Variants in TRAFD1 observed in about 807,000 individuals in gnomAD.
TRAFD1 encodes the protein TRAF-type zinc finger domain-containing protein 1.
Under a neutral mutation model 65.3 loss-of-function variants are expected in TRAFD1, and 38 were observed. That is an observed-to-expected ratio of 0.58 (90% confidence interval 0.45 to 0.76). TRAFD1 has a LOEUF of 0.76. TRAFD1 is among the 30% of genes least tolerant of loss of function. TRAFD1 has a pLI of 0.00. For synonymous variants in TRAFD1, 223 were observed against 257.2 expected (o/e 0.87, Z 1.27); for missense variants, 631 against 712.6 (o/e 0.89, Z 1.30).
At chr12:112,131,174 A>T (rs1319558045) in intron 2 of TRAFD1, among the ~76,000 whole-genome samples, 1 of 152,200 alleles carries the variant, frequency 6.6e-6, no homozygotes, top group East Asian at 1.9e-4. Flanking sequence ...TATTTCTGCT[A>T]TGCCACTATC....
chr12:112,150,215 T>C (rs1378272622), intron 9 of TRAFD1, among the ~76,000 whole-genome samples: 1 of 152,158 alleles, frequency 6.6e-6, no homozygotes, highest in Non-Finnish European at 1.5e-5. Context: ...CCATTTCAAG[T>C]TGAAATACAC....
intron 1 of TRAFD1, chr12:112,126,258 AC>A (rs1273761272): frequency 8.6e-5 from 13 of 152,038 alleles, no homozygotes; most frequent in African/African-American, 2.9e-4. Flanking sequence ...GGGTATCTGG[AC>A]CCGGCAGGGG....
Position 112,152,563 on chromosome 12 carries a change from TC to T in TRAFD1, c.1692+66del. ...TCAGACATGGTGGGGCTTGTGTGGC[TC>T]CTGAAGTTGTAGAAGTTGTTGGGAC... On this transcript the variant is annotated intron_variant, in intron 11 of 11. Coordinates refer to ENST00000412615, the MANE Select transcript of TRAFD1 (RefSeq NM_006700.3). The surrounding 1 kb of genome is among the most constrained non-coding windows in gnomAD (Gnocchi z 5.0). The T allele has an allele frequency of 6.2e-7, 1 of 1,605,220 alleles. No homozygotes were observed. The highest frequency in any genetic ancestry group is 8.5e-7 in the Non-Finnish European group (1 of 1,173,144).
intron 9 of TRAFD1, 115 bp from the exon 10 acceptor site, chr12:112,151,686 C>T: frequency 1.9e-6 from 2 of 1,041,342 alleles, no homozygotes; most frequent in Non-Finnish European, 2.8e-6. Context: ...GCATGAGCCA[C>T]CACGCCTGGC....
chr12:112,127,929 C>A (rs1250010391), intron 1 of TRAFD1, among the ~76,000 whole-genome samples: 1 of 151,932 alleles, frequency 6.6e-6, no homozygotes, highest in African/African-American at 2.4e-5. Context: ...CCTTGAACTC[C>A]TGAGCTCAAG....
In TRAFD1 at chr12:112,151,935, C is replaced by T; in HGVS notation, c.1414C>T (p.Pro472Ser). The T allele has an allele frequency of 1.9e-6, 3 of 1,614,214 alleles. No individual in the cohort carries two copies. Among genetic ancestry groups the T allele is most frequent in the South Asian group, 1.1e-5 (1 of 91,080 alleles). ...YNQLSRSTSG[P>S]RPGCQPSSPC... is the part of the protein sequence containing the mutation. ...CCAGCTATCGAGATCAACATCAGGC[C>T]CCAGACCTGGGTGCCAGCCCAGCTC... Residue 472 changes from proline to serine, a missense_variant, in exon 10 of 12, where the codon CCC becomes TCC. Transcript: ENST00000412615.
At chr12:112,144,830 C>T (rs926797807) in intron 6 of TRAFD1, among the ~76,000 whole-genome samples, 11 of 152,076 alleles carry the variant, frequency 7.2e-5, no homozygotes, top group Non-Finnish European at 1.6e-4. Flanking sequence ...CTGCAGTGAA[C>T]CAAGATTGCA....
intron 8 of TRAFD1, 152 bp downstream of exon 8, chr12:112,148,456 C>A (rs1029787259): frequency 3.0e-6 from 2 of 667,328 alleles, no homozygotes; most frequent in African/African-American, 3.6e-5. Context: ...TGTGAGCTGT[C>A]TGTGGTAACC....
intron 1 of TRAFD1, among the ~76,000 whole-genome samples, chr12:112,128,220 G>C (rs2079551179): frequency 6.6e-6 from 1 of 150,850 alleles, no homozygotes; most frequent in Non-Finnish European, 1.5e-5. Flanking sequence ...TGGCCAGGCT[G>C]GTCTTGAACT....
chr12:112,127,026 C>A (rs1456092035), intron 1 of TRAFD1, among the ~76,000 whole-genome samples: 2 of 152,188 alleles, frequency 1.3e-5, no homozygotes, highest in African/African-American at 4.8e-5. Flanking sequence ...AGCTTGGAAT[C>A]GAATCCAATA....
rs780097177 is a variant in TRAFD1, at chr12:112,140,943, G to A, written c.362G>A (p.Arg121His). 6 of 1,614,172 alleles carry A rather than the reference G, an allele frequency of 3.7e-6. No individual in the cohort carries two copies. Among genetic ancestry groups the A allele is most frequent in the Non-Finnish European group, 5.1e-6 (6 of 1,180,046 alleles). ...ACGGAACTATGTGGCAACTGTGGTCGCAATGTCCTTGTGAAAGATCTGAAG... is the reference window on the plus strand; with the variant it reads ...ACGGAACTATGTGGCAACTGTGGTCACAATGTCCTTGTGAAAGATCTGAAG... ...ARTELCGNCG[R>H]NVLVKDLKTH... Residue 121 changes from arginine (R) to histidine (H), a missense_variant, in exon 5 of 12, where the codon CGC becomes CAC. Coordinates refer to ENST00000412615, the MANE Select transcript of TRAFD1 (RefSeq NM_006700.3).
At chr12:112,136,474 G>A (rs562935666) in intron 4 of TRAFD1, among the ~76,000 whole-genome samples, 170 of 151,966 alleles carry the variant, frequency 1.1e-3, no homozygotes, top group Non-Finnish European at 2.0e-3. Flanking sequence ...GTAGAGACAG[G>A]ATTTTGCCAT....
chr12:112,131,397 A>C (rs566940984), intron 2 of TRAFD1, among the ~76,000 whole-genome samples: 6 of 152,340 alleles, frequency 3.9e-5, no homozygotes, highest in African/African-American at 1.4e-4. Flanking sequence ...ATAAATAACT[A>C]TGCTAAGAGA....
rs775812882 is a variant in TRAFD1 at position 112,153,469 on chromosome 12, G to GT, written c.*679dup. ...TGAGGGCTCCCTGTCCCCACAGCAG[G>GT]TATGTTGGGCTCTGCCCCAGCCCCA... is the stretch of plus-strand genomic sequence containing the variant. On this transcript the variant is annotated 3_prime_UTR_variant, in exon 12 of 12. Transcript: ENST00000412615. 2.6e-5 allele frequency: 4 copies of GT among 152,264 alleles called. No individual in the cohort carries two copies. Among genetic ancestry groups the GT allele is most frequent in the Non-Finnish European group, 4.4e-5 (3 of 68,072 alleles). 9.4% of individuals were successfully genotyped at this position (152,264 alleles called of 1,614,324 possible).
At chr12:112,128,988 A>G (rs867434753) in intron 1 of TRAFD1, among the ~76,000 whole-genome samples, 1 of 147,092 alleles carries the variant, frequency 6.8e-6, no homozygotes, top group Non-Finnish European at 1.5e-5. Flanking sequence ...CCGAGATCGC[A>G]CCACTGCACT....
In TRAFD1 at chr12:112,137,171, C is replaced by T. The variant is rs574733360; in HGVS notation, c.237+2105C>T. Reference sequence around the variant, plus strand: ...CTGGGAGGTGGAGGTTGCAGTGAGCCGAGATCGTGCCATTGCACTCCAGCC... The same window carrying T: ...CTGGGAGGTGGAGGTTGCAGTGAGCTGAGATCGTGCCATTGCACTCCAGCC... On this transcript the variant is annotated intron_variant, in intron 4 of 11. Transcript: ENST00000412615. The surrounding 1 kb of genome is among the most constrained non-coding windows in gnomAD (Gnocchi z 4.2). Among the ~76,000 whole-genome samples the T allele has an allele frequency of 2.6e-5, 4 of 152,172 alleles. No individual in the cohort carries two copies. Among genetic ancestry groups the T allele is most frequent in the African/African-American group, 7.2e-5 (3 of 41,522 alleles).
Position 112,152,854 on chromosome 12 carries a change from G to A in TRAFD1, c.*63G>A, listed in dbSNP as rs1296745427. The stretch of plus-strand genomic sequence containing the variant: ...TGTGCACAGCAGCACTTGCCGCTGT[G>A]CAGGCCCACCTCTTTGGCTCTTTGG... On this transcript the variant is annotated 3_prime_UTR_variant, in exon 12 of 12. Transcript: ENST00000412615. The surrounding 1 kb of genome is among the most constrained non-coding windows in gnomAD (Gnocchi z 5.0). The A allele has an allele frequency of 1.9e-6, 3 of 1,584,302 alleles. No individual in the cohort carries two copies. Among genetic ancestry groups the A allele is most frequent in the Non-Finnish European group, 2.6e-6 (3 of 1,160,906 alleles).
rs779424912 is a variant in TRAFD1, at chr12:112,148,166, C to A, written c.1020C>A (p.Asn340Lys). 6 of 1,614,234 alleles carry A rather than the reference C, an allele frequency of 3.7e-6. No individual in the cohort carries two copies. The highest frequency in any genetic ancestry group is 5.1e-6 in the Non-Finnish European group (6 of 1,180,046). The change falls in exon 8 of 12, where the codon AAC becomes AAA. Residue 340 changes from asparagine (N) to lysine (K), a missense_variant. Coordinates refer to ENST00000412615, the MANE Select transcript of TRAFD1 (RefSeq NM_006700.3). ...AGGAACCTGATGTCATCTTCCAGAACTTCTTGCAACAGGCTGCAAGTAACC... is the reference window on the plus strand; with the variant it reads ...AGGAACCTGATGTCATCTTCCAGAAATTCTTGCAACAGGCTGCAAGTAACC... ...GVEEPDVIFQ[N>K]FLQQAASNQL... is the part of the protein sequence containing the mutation.
At chr12:112,150,783 G>C (rs1289061784) in intron 9 of TRAFD1, among the ~76,000 whole-genome samples, 1 of 149,496 alleles carries the variant, frequency 6.7e-6, no homozygotes, top group Non-Finnish European at 1.5e-5. Flanking sequence ...GGCTGATCTT[G>C]AACTCCTGGG....
Sources: gnomAD v4.1 joint callset for allele counts (sites outside exome capture counted in the v4.1 genomes callset) on GRCh38, gnomAD v4.1.1 for gene constraint, Gnocchi (gnomAD v3.1) non-coding constraint, MANE v1.5 for transcripts, NCBI Gene and HGNC (gene_info 2026-07-23, HGNC 2026-07-21) for gene names.